The following RORB variants were observed in gnomAD, a reference collection of about 807,000 sequenced individuals.
RORB encodes RAR related orphan receptor B.
RORB carries 6 observed loss-of-function variants against 59.1 expected under a neutral mutation model. That is an observed-to-expected ratio of 0.10 (90% CI 0.06 to 0.20). The LOEUF (loss-of-function observed/expected upper bound fraction) is 0.20, where lower values mean the gene tolerates loss of function less well. RORB is among the 10% of genes least tolerant of loss of function. The pLI, the probability that RORB is intolerant of heterozygous loss-of-function variation, is 1.00. For missense variants in RORB, 320 were observed against 560.5 expected (o/e 0.57, Z 4.33); for synonymous variants, 215 against 204.5 (o/e 1.05, Z -0.44).
At chr9:74,636,401 G>A (rs1471820997) in intron 3 of RORB, among the ~76,000 whole-genome samples, 3 of 152,148 alleles carry the variant, frequency 2.0e-5, no homozygotes, top group African/African-American at 7.2e-5. Context: ...GTCTGTGCTG[G>A]TGAACAGAAT....
intron 4 of RORB, among the ~76,000 whole-genome samples, chr9:74,659,953 A>G (rs985197589): frequency 6.7e-6 from 1 of 150,062 alleles, no homozygotes; most frequent in African/African-American, 2.5e-5. Context: ...AAAGGAGAAT[A>G]TAATGGTCCC....
chr9:74,587,979 G>T (rs924247157), intron 1 of RORB, among the ~76,000 whole-genome samples: 4 of 152,126 alleles, frequency 2.6e-5, no homozygotes, highest in Admixed American at 6.5e-5. Context: ...AAATATAAAT[G>T]TGCATAATTT....
chr9:74,649,929 G>T (rs1333691762), intron 4 of RORB, among the ~76,000 whole-genome samples: 1 of 152,066 alleles, frequency 6.6e-6, no homozygotes. Flanking sequence ...CTTCCTCAGT[G>T]TATTTCTCCT....
intron 1 of RORB, among the ~76,000 whole-genome samples, chr9:74,625,449 AC>A (rs1251887692): frequency 1.3e-5 from 2 of 152,150 alleles, no homozygotes; most frequent in Admixed American, 1.3e-4. Context: ...GTCTGTCCCT[AC>A]AAAAAATGTA....
At chr9:74,531,900 T>C (rs1015670413) in intron 1 of RORB, among the ~76,000 whole-genome samples, 1 of 151,940 alleles carries the variant, frequency 6.6e-6, no homozygotes, top group Non-Finnish European at 1.5e-5. Context: ...AGTCTTGAAA[T>C]GCACAGTGTC....
At chr9:74,647,051 T>C (rs559403648) in intron 4 of RORB, among the ~76,000 whole-genome samples, 10 of 152,200 alleles carry the variant, frequency 6.6e-5, no homozygotes, top group Admixed American at 2.0e-4. Flanking sequence ...TCTAAAACCA[T>C]AGGAAAAAGA....
chr9:74,550,170 T>C (rs957236907), intron 1 of RORB, among the ~76,000 whole-genome samples: 3 of 152,240 alleles, frequency 2.0e-5, no homozygotes, highest in Non-Finnish European at 4.4e-5. Context: ...AATAATTTGA[T>C]ATTTTTAAAG....
intron 8 of RORB, among the ~76,000 whole-genome samples, chr9:74,670,815 A>G (rs1824333813): frequency 6.6e-6 from 1 of 152,138 alleles, no homozygotes; most frequent in Non-Finnish European, 1.5e-5. Context: ...CTGATTGACA[A>G]TTGTCACTGA....
chr9:74,561,059 C>T (rs1376268217), intron 1 of RORB, among the ~76,000 whole-genome samples: 1 of 152,126 alleles, frequency 6.6e-6, no homozygotes, highest in East Asian at 1.9e-4. Context: ...GATTCAACTT[C>T]CCTTCCATTC....
intron 1 of RORB, among the ~76,000 whole-genome samples, chr9:74,563,678 T>C (rs1262894963): frequency 2.0e-5 from 3 of 152,240 alleles, no homozygotes; most frequent in African/African-American, 7.2e-5. Context: ...GAAGGGACTA[T>C]CTACACAGGT....
intron 1 of RORB, among the ~76,000 whole-genome samples, chr9:74,579,493 T>A (rs1235381334): frequency 2.0e-5 from 3 of 152,086 alleles, no homozygotes; most frequent in Non-Finnish European, 4.4e-5. Flanking sequence ...GTGGGTCAGT[T>A]TTTTTTCTCC....
intron 9 of RORB, among the ~76,000 whole-genome samples, chr9:74,674,984 T>C (rs1824412800): frequency 6.6e-6 from 1 of 152,158 alleles, no homozygotes; most frequent in East Asian, 1.9e-4. Flanking sequence ...GCCCAGTCCA[T>C]AATAGGTAAT....
At chr9:74,543,468 A>G (rs1430200369) in intron 1 of RORB, among the ~76,000 whole-genome samples, 3 of 152,158 alleles carry the variant, frequency 2.0e-5, no homozygotes, top group Non-Finnish European at 4.4e-5. Flanking sequence ...TTCAACAAAG[A>G]TTTGTTGAGC....
At chr9:74,657,804 G>A (rs10781246) in intron 4 of RORB, among the ~76,000 whole-genome samples, 145,760 of 152,106 alleles carry the variant, frequency 0.96, 70,178 homozygotes, top group East Asian at 1. Context: ...CAGGAGTTTG[G>A]GACCAGCCTG....
chr9:74,593,647 A>T (rs915189087), intron 1 of RORB, among the ~76,000 whole-genome samples: 6 of 152,122 alleles, frequency 3.9e-5, no homozygotes, highest in Non-Finnish European at 8.8e-5. Flanking sequence ...AAGCTTGGTT[A>T]TCTGCTTTCC....
intron 4 of RORB, among the ~76,000 whole-genome samples, chr9:74,648,142 T>C (rs1478772820): frequency 6.6e-6 from 1 of 152,210 alleles, no homozygotes. Flanking sequence ...GAAAAATTAC[T>C]TGAACAATAT....
At chr9:74,558,444 A>T (rs1372590767) in intron 1 of RORB, among the ~76,000 whole-genome samples, 3 of 152,134 alleles carry the variant, frequency 2.0e-5, no homozygotes, top group Non-Finnish European at 2.9e-5. Context: ...TCCCATTTTA[A>T]GCCTATATTA....
At position 74,549,464 on chromosome 9, in the gene RORB, G is replaced by A. The variant is rs1166070529; in HGVS notation, c.7+51481G>A. ...GTCAAAAAAAAAAAAAGAAGAAAGA[G>A]AGAGAGAGAGAGGTAGGGAGGGAGA... On this transcript the variant is annotated intron_variant, in intron 1 of 9. Transcript: ENST00000376896. Among the ~76,000 whole-genome samples the A allele has an allele frequency of 1.4e-3, 194 of 137,056 alleles. 32 individuals are homozygous for A. The highest frequency in any genetic ancestry group is 5.1e-3 in the African/African-American group (186 of 36,546). 89.9% of individuals were successfully genotyped at this position (137,056 alleles called of 152,430 possible). A position where few individuals can be genotyped will look rare whatever the true frequency, so the allele number is the denominator to read the frequency against.
At chr9:74,606,177 G>T (rs1412042884) in intron 1 of RORB, among the ~76,000 whole-genome samples, 12 of 152,150 alleles carry the variant, frequency 7.9e-5, no homozygotes, top group Non-Finnish European at 1.8e-4. Flanking sequence ...ACTGTAATAT[G>T]CTCTCAATCC....
Sources: gnomAD v4.1 joint callset for allele counts (sites outside exome capture counted in the v4.1 genomes callset) on GRCh38, gnomAD v4.1.1 for gene constraint, MANE v1.5 for transcripts, NCBI Gene and HGNC (gene_info 2026-07-23, HGNC 2026-07-21) for gene names.